OR9Q2: variants seen among roughly 807,000 people sequenced by gnomAD.
OR9Q2 encodes the protein olfactory receptor family 9 subfamily Q member 2.
A neutral mutation model predicts 2.3 loss-of-function variants in OR9Q2; 2 were observed. The observed-to-expected ratio is 0.85, with a 90% CI of 0.35 to 2.68. The LOEUF is 2.68. Among genes scored for constraint, OR9Q2 ranks in the 30% most tolerant of loss-of-function variants. The probability of loss-of-function intolerance (pLI) is 0.10; values close to 1 mark genes in which losing one functional copy is unlikely to be tolerated. For missense variants in OR9Q2, 404 were observed against 395.7 expected (o/e 1.02, Z -0.18); for synonymous variants, 178 against 158.6 (o/e 1.12, Z -0.92).
chr11:58,191,896 A>ATG lies in OR9Q2; in HGVS notation c.*462_*463insGT, dbSNP rs1854768625. 6.4e-6 allele frequency: 1 copy of ATG among 157,210 alleles called. No homozygotes were observed. Among genetic ancestry groups the ATG allele is most frequent in the Non-Finnish European group, 1.4e-5 (1 of 70,828 alleles). The allele number at this position is 157,210 out of a possible 1,614,324, so 9.7% of individuals were successfully genotyped here. ...GGATCCAATGCATAAATGGACAAGG[A>ATG]TCGCCTCTGTCTTATTCACTAGTAT... On this transcript the variant is annotated 3_prime_UTR_variant, in exon 2 of 2. Coordinates refer to ENST00000641291, the MANE Select transcript of OR9Q2 (RefSeq NM_001005283.3).
In OR9Q2 at chr11:58,191,293, C is replaced by T. The variant is rs1179238281; in HGVS notation, c.803C>T (p.Ser268Phe). Residue 268 changes from serine (S) to phenylalanine (F), a missense_variant, in exon 2 of 2, where the codon TCC (serine) becomes TTC (phenylalanine). Physicochemically the swap from Ser to Phe is radical, Grantham distance 155. Transcript: ENST00000641291. Reference protein sequence around the residue: ...MYLRDNTGQSSEGDRVVSVLY... With the variant: ...MYLRDNTGQSFEGDRVVSVLY... ...CTGCGAGACAACACAGGCCAGTCCTCCGAGGGAGACCGAGTGGTGTCTGTG... is the reference window on the plus strand; with the variant it reads ...CTGCGAGACAACACAGGCCAGTCCTTCGAGGGAGACCGAGTGGTGTCTGTG... 1 of 1,614,028 alleles carries T rather than the reference C, an allele frequency of 6.2e-7. No homozygotes were observed. Among genetic ancestry groups the T allele is most frequent in the South Asian group, 1.1e-5 (1 of 91,076 alleles).
Position 58,191,004 on chromosome 11 carries a change from A to T in OR9Q2, c.514A>T (p.Asn172Tyr). The T allele has an allele frequency of 6.2e-7, 1 of 1,614,162 alleles. No homozygotes were observed. Among genetic ancestry groups the T allele is most frequent in the Non-Finnish European group, 8.5e-7 (1 of 1,180,024 alleles). ...CTTCACTCTCTCCTTTTGTGGAAACAATGAGATCAACTTCATTTTCTGTGA... is the reference window on the plus strand; with the variant it reads ...CTTCACTCTCTCCTTTTGTGGAAACTATGAGATCAACTTCATTTTCTGTGA... ...TAFTLSFCGN[N>Y]EINFIFCDLP... The change falls in exon 2 of 2, where the codon AAT becomes TAT. Residue 172 changes from asparagine to tyrosine, a missense_variant. Physicochemically the swap from Asn to Tyr is moderately radical, Grantham distance 143. Coordinates refer to ENST00000641291, the MANE Select transcript of OR9Q2 (RefSeq NM_001005283.3).
rs1169687354 is a variant in OR9Q2 at position 58,190,466 on chromosome 11, C to T, written c.-25C>T. 6.5e-7 allele frequency: 1 copy of T among 1,528,870 alleles called. No homozygotes were observed. The highest frequency in any genetic ancestry group is 9.0e-7 in the Non-Finnish European group (1 of 1,107,444). The allele number at this position is 1,528,870 out of a possible 1,614,324, so 94.7% of individuals were successfully genotyped here. On this transcript the variant is annotated 5_prime_UTR_variant, in exon 2 of 2. Coordinates refer to ENST00000641291, the MANE Select transcript of OR9Q2 (RefSeq NM_001005283.3). ...TCCCCTCATCTGGCTCTTGTCTTAG[C>T]CGTTGCAGGTGAACCACTGGATGGA...
chr11:58,190,385 A>G lies in OR9Q2; in HGVS notation c.-106A>G. On this transcript the variant is annotated 5_prime_UTR_variant, in exon 2 of 2. It removes the in-frame stop codon of an upstream open reading frame in the 5' UTR. Transcript: ENST00000641291. ...GTGTTGAAGTTGAGTGCCGACATGTAAGACATTCAATTTAAAGCTTTGTTA... is the reference window on the plus strand; with the variant it reads ...GTGTTGAAGTTGAGTGCCGACATGTGAGACATTCAATTTAAAGCTTTGTTA... 1.3e-6 allele frequency: 1 copy of G among 741,694 alleles called. No individual in the cohort carries two copies. The highest frequency in any genetic ancestry group is 2.3e-6 in the Non-Finnish European group (1 of 436,216). 45.9% of individuals were successfully genotyped at this position (741,694 alleles called of 1,614,324 possible). A position where few individuals can be genotyped will look rare whatever the true frequency, so the allele number is the denominator to read the frequency against.
In OR9Q2 at chr11:58,192,063, A is replaced by G. The variant is rs1025687144; in HGVS notation, c.*628A>G. 2.6e-5 allele frequency: 4 copies of G among 151,538 alleles called. No individual in the cohort carries two copies. Among genetic ancestry groups the G allele is most frequent in the Admixed American group, 1.3e-4 (2 of 15,206 alleles). 9.4% of individuals were successfully genotyped at this position (151,538 alleles called of 1,614,324 possible). ...TCCAAATTTTGTCATTTATTCATTT[A>G]TTCTTTCTTTTTTTATCTTCTTGTT... On this transcript the variant is annotated 3_prime_UTR_variant, in exon 2 of 2. Transcript: ENST00000641291.
At position 58,191,092 on chromosome 11, in the gene OR9Q2, T is replaced by C. The variant is rs371578346; in HGVS notation, c.602T>C (p.Val201Ala). ...DSYTQEVVII[V>A]FALFVMPACI... is the part of the protein sequence containing the mutation. Reference sequence around the variant, plus strand: ...TACACTCAGGAAGTGGTGATTATTGTGTTTGCTCTTTTCGTCATGCCTGCC... The same window carrying C: ...TACACTCAGGAAGTGGTGATTATTGCGTTTGCTCTTTTCGTCATGCCTGCC... Residue 201 changes from valine (V) to alanine (A), a missense_variant, in exon 2 of 2, where the codon GTG becomes GCG. By Grantham distance (64) the Val-to-Ala change is moderately conservative. Transcript: ENST00000641291. The C allele has an allele frequency of 1.2e-6, 2 of 1,614,202 alleles. No individual in the cohort carries two copies. Among genetic ancestry groups the C allele is most frequent in the Non-Finnish European group, 1.7e-6 (2 of 1,180,036 alleles).
In OR9Q2 at chr11:58,190,970, G is replaced by C. The variant is rs773474840; in HGVS notation, c.480G>C (p.Thr160=). Residue 160 remains threonine, a synonymous_variant, in exon 2 of 2, where the codon ACG becomes ACC. Coordinates refer to ENST00000641291, the MANE Select transcript of OR9Q2 (RefSeq NM_001005283.3). ...GTTTTTTCAGTGCCTTTGTTCGAAC[G>C]GTCACAGCCTTCACTCTCTCCTTTT... ...VAGFFSAFVR[T]VTAFTLSFCG... 1.9e-6 allele frequency: 3 copies of C among 1,614,036 alleles called. No individual in the cohort carries two copies. The highest frequency in any genetic ancestry group is 2.2e-5 in the South Asian group (2 of 91,074).
chr11:58,190,179 G>C, intron 1 of OR9Q2, 140 bp from the exon 2 acceptor site: 1 of 325,222 alleles, frequency 3.1e-6, no homozygotes, highest in African/African-American at 2.1e-5. Context: ...GGTTCAGAGA[G>C]GTTAAGTGCC....
chr11:58,193,829 A>T lies in OR9Q2; in HGVS notation c.*2394A>T, dbSNP rs1232049853. On this transcript the variant is annotated 3_prime_UTR_variant, in exon 2 of 2. Transcript: ENST00000641291. Reference sequence around the variant, plus strand: ...TGGGGGAATCTATAACTCCCTCAGAAAGAGCAGGGTGGGCTCAGGTAAAGT... The same window carrying T: ...TGGGGGAATCTATAACTCCCTCAGATAGAGCAGGGTGGGCTCAGGTAAAGT... 1 of 152,180 alleles carries T rather than the reference A, an allele frequency of 6.6e-6. No individual in the cohort carries two copies. The highest frequency in any genetic ancestry group is 1.5e-5 in the Non-Finnish European group (1 of 68,028). The allele number at this position is 152,180 out of a possible 1,614,324, so 9.4% of individuals were successfully genotyped here.
Position 58,190,950 on chromosome 11 carries a change from T to C in OR9Q2, c.460T>C (p.Phe154Leu). 6.2e-7 allele frequency: 1 copy of C among 1,614,210 alleles called. No individual in the cohort carries two copies. Reference sequence around the variant, plus strand: ...CACTGGGGCTTACGTTGCTGGTTTTTTCAGTGCCTTTGTTCGAACGGTCAC... The same window carrying C: ...CACTGGGGCTTACGTTGCTGGTTTTCTCAGTGCCTTTGTTCGAACGGTCAC... ...LVTGAYVAGF[F>L]SAFVRTVTAF... The change falls in exon 2 of 2, where the codon TTC becomes CTC. Residue 154 changes from phenylalanine to leucine, a missense_variant. Transcript: ENST00000641291.
intron 1 of OR9Q2, 82 bp downstream of exon 1, chr11:58,189,190 T>A (rs1854735321): frequency 6.6e-6 from 1 of 152,160 alleles, no homozygotes. Context: ...GAGAGACTCC[T>A]AGAAGTGAGA....
At position 58,191,405 on chromosome 11, in the gene OR9Q2, G is replaced by A. The variant is rs750716922; in HGVS notation, c.915G>A (p.Leu305=). Residue 305 remains leucine (L), a synonymous_variant, in exon 2 of 2, where the codon CTG becomes CTA. Transcript: ENST00000641291. The stretch of plus-strand genomic sequence containing the variant: ...TAAAAGAGGCCACTAGGAAAGCCCT[G>A]AGCAAATCAAAGCCTGCTAGAAGAC... ...KEVKEATRKA[L]SKSKPARRP is the part of the protein sequence containing the mutation. 1.1e-5 allele frequency: 18 copies of A among 1,607,622 alleles called. No homozygotes were observed. The South Asian group carries it at 2.0e-4, about 18-fold the overall frequency.
In OR9Q2 at chr11:58,193,301, C is replaced by T. The variant is rs1355825351; in HGVS notation, c.*1866C>T. ...CTCCTGGGCCCAGATTAGCTCTAAA[C>T]CTGGACATTTCCAGGAGTCAAGTTC... On this transcript the variant is annotated 3_prime_UTR_variant, in exon 2 of 2. Coordinates refer to ENST00000641291, the MANE Select transcript of OR9Q2 (RefSeq NM_001005283.3). 1.3e-5 allele frequency: 2 copies of T among 152,132 alleles called. No homozygotes were observed. The highest frequency in any genetic ancestry group is 2.9e-5 in the Non-Finnish European group (2 of 68,024). The allele number at this position is 152,132 out of a possible 1,614,324, so 9.4% of individuals were successfully genotyped here.
rs991292964 is a variant in OR9Q2 at position 58,190,567 on chromosome 11, C to T, written c.77C>T (p.Pro26Leu). 5 of 1,613,824 alleles carry T rather than the reference C, an allele frequency of 3.1e-6. No homozygotes were observed. The African/African-American group carries it at 5.3e-5, about 17-fold the overall frequency. Reference sequence around the variant, plus strand: ...ACTGAACATCTCCAGTGGAGGGTTCCTCTCTTCCTCATATTTTTGAGTTTC... The same window carrying T: ...ACTGAACATCTCCAGTGGAGGGTTCTTCTCTTCCTCATATTTTTGAGTTTC... ...AFTEHLQWRVPLFLIFLSFYL... is the reference protein window; with the variant it reads ...AFTEHLQWRVLLFLIFLSFYL... Residue 26 changes from proline to leucine, a missense_variant, in exon 2 of 2, where the codon CCT (proline) becomes CTT (leucine). Transcript: ENST00000641291.
chr11:58,190,271 G>A (rs939606041), intron 1 of OR9Q2, 48 bp from the exon 2 acceptor site: 18 of 520,028 alleles, frequency 3.5e-5, no homozygotes, highest in Admixed American at 1.3e-4. Context: ...CTTGCTCTCT[G>A]TTCTTTCTAT....
Position 58,190,708 on chromosome 11 carries a change from A to G in OR9Q2, c.218A>G (p.Tyr73Cys). 6.2e-7 allele frequency: 1 copy of G among 1,613,934 alleles called. No homozygotes were observed. The highest frequency in any genetic ancestry group is 2.2e-5 in the East Asian group (1 of 44,864). Residue 73 changes from tyrosine to cysteine, a missense_variant, in exon 2 of 2, where the codon TAC (tyrosine) becomes TGC (cysteine). Transcript: ENST00000641291. Reference sequence around the variant, plus strand: ...CACCTTTCCTTGGTGGACATCTGCTACTCGTCCGCCATCATCCCTCAGATG... The same window carrying G: ...CACCTTTCCTTGGTGGACATCTGCTGCTCGTCCGCCATCATCCCTCAGATG... ...LSHLSLVDIC[Y>C]SSAIIPQMLA... is the part of the protein sequence containing the mutation.
Position 58,191,201 on chromosome 11 carries a change from C to T in OR9Q2, c.711C>T (p.Thr237=), listed in dbSNP as rs763962505. 2.5e-6 allele frequency: 4 copies of T among 1,614,166 alleles called. No individual in the cohort carries two copies. The South Asian group carries it at 4.4e-5, about 18-fold the overall frequency. The change falls in exon 2 of 2, where the codon ACC becomes ACT. Residue 237 remains threonine, a synonymous_variant. Transcript: ENST00000641291. ...ACTCTGCTGGAGGCCGGGCCAAGACCTTCTCCACCTGCGCCTCCCACCTCA... is the reference window on the plus strand; with the variant it reads ...ACTCTGCTGGAGGCCGGGCCAAGACTTTCTCCACCTGCGCCTCCCACCTCA... ...QIHSAGGRAK[T]FSTCASHLTA...
Position 58,191,282 on chromosome 11 carries a change from A to G in OR9Q2, c.792A>G (p.Thr264=). 1 of 1,614,082 alleles carries G rather than the reference A, an allele frequency of 6.2e-7. No individual in the cohort carries two copies. The highest frequency in any genetic ancestry group is 8.5e-7 in the Non-Finnish European group (1 of 1,180,030). The change falls in exon 2 of 2, where the codon ACA becomes ACG. Residue 264 remains threonine, a synonymous_variant. Transcript: ENST00000641291. Reference sequence around the variant, plus strand: ...TCTTCATGTACCTGCGAGACAACACAGGCCAGTCCTCCGAGGGAGACCGAG... The same window carrying G: ...TCTTCATGTACCTGCGAGACAACACGGGCCAGTCCTCCGAGGGAGACCGAG... ...TLIFMYLRDN[T]GQSSEGDRVV...
chr11:58,190,797 C>G lies in OR9Q2; in HGVS notation c.307C>G (p.Leu103Val). The G allele has an allele frequency of 6.2e-7, 1 of 1,614,208 alleles. No homozygotes were observed. The highest frequency in any genetic ancestry group is 8.5e-7 in the Non-Finnish European group (1 of 1,180,050). Residue 103 changes from leucine (L) to valine (V), a missense_variant, in exon 2 of 2, where the codon CTC becomes GTC. Physicochemically the swap from Leu to Val is conservative, Grantham distance 32. Coordinates refer to ENST00000641291, the MANE Select transcript of OR9Q2 (RefSeq NM_001005283.3). ...SQARCAAQFFLFTFFASIDCY... is the reference protein window; with the variant it reads ...SQARCAAQFFVFTFFASIDCY... Reference sequence around the variant, plus strand: ...GGCTCGCTGTGCAGCTCAGTTCTTCCTCTTCACCTTCTTTGCCTCCATCGA... The same window carrying G: ...GGCTCGCTGTGCAGCTCAGTTCTTCGTCTTCACCTTCTTTGCCTCCATCGA...
Sources: allele counts gnomAD v4.1 joint callset, GRCh38; gene constraint gnomAD v4.1.1; transcripts MANE v1.5; gene names NCBI Gene and HGNC (gene_info 2026-07-23, HGNC 2026-07-21).